TENM2: variants seen among roughly 807,000 people sequenced by gnomAD.
The protein encoded by TENM2 is teneurin-2.
In TENM2, 52 loss-of-function variants were observed where a neutral mutation model predicts 245.2. The observed-to-expected ratio is 0.21, with a 90% confidence interval of 0.17 to 0.27. The LOEUF (loss-of-function observed/expected upper bound fraction) is 0.27, where lower values mean the gene tolerates loss of function less well. Among genes scored for constraint, TENM2 ranks in the 10% least tolerant of loss-of-function variants. The probability of loss-of-function intolerance (pLI) is 1.00; values close to 1 mark genes in which losing one functional copy is unlikely to be tolerated. For missense variants in TENM2, 3,046 were observed against 3,666.8 expected (o/e 0.83, Z 4.37); for synonymous variants, 1,363 against 1,438.9 (o/e 0.95, Z 1.19).
rs375348833 is a variant in TENM2, at chr5:167,389,353, A to C, written c.502+13880A>C. ...AACTATGGTTAATATTTTGATGCAT[A>C]TATCCTTCAGTCTGTGTGTCTATCT... is the stretch of plus-strand genomic sequence containing the variant. On this transcript the variant is annotated intron_variant, in intron 2 of 28. Coordinates refer to ENST00000518659, the Ensembl canonical transcript of TENM2. Among the ~76,000 whole-genome samples the C allele has an allele frequency of 2.5e-4, 38 of 151,866 alleles. No homozygotes were observed. In the South Asian group the frequency reaches 7.7e-3, roughly 31 times the overall value.
chr5:167,901,861 T>C (rs1317213331), intron 3 of TENM2, among the ~76,000 whole-genome samples: 2 of 152,238 alleles, frequency 1.3e-5, no homozygotes, highest in East Asian at 1.9e-4. Flanking sequence ...TGCATATCTA[T>C]ACTTATTTCC....
At chr5:167,215,154 G>C in the TENM2 span, among the ~76,000 whole-genome samples, 1 of 152,126 alleles carries the variant, frequency 6.6e-6, no homozygotes, top group African/African-American at 2.4e-5. Flanking sequence ...CTTGCCCCCT[G>C]CTAAAGCTAG....
chr5:167,744,845 A>G (rs1393460683), intron 2 of TENM2, among the ~76,000 whole-genome samples: 1 of 152,156 alleles, frequency 6.6e-6, no homozygotes, highest in Non-Finnish European at 1.5e-5. Context: ...AAAACAAAAC[A>G]AAAAAACCGT....
the TENM2 span, among the ~76,000 whole-genome samples, chr5:167,163,286 C>T: frequency 2.0e-5 from 3 of 152,062 alleles, no homozygotes; most frequent in Admixed American, 1.3e-4. Context: ...GTGACAGGGT[C>T]TTGTGATGTT....
chr5:167,156,055 T>G, the TENM2 span, among the ~76,000 whole-genome samples: 1 of 152,228 alleles, frequency 6.6e-6, no homozygotes, highest in Non-Finnish European at 1.5e-5. Flanking sequence ...ACAAGTGGGT[T>G]TTGTCTAGTT....
the TENM2 span, among the ~76,000 whole-genome samples, chr5:167,196,344 C>T: frequency 6.6e-6 from 1 of 151,824 alleles, no homozygotes; most frequent in Non-Finnish European, 1.5e-5. Flanking sequence ...TTATAGGGCA[C>T]ATAATTGTAT....
intron 2 of TENM2, among the ~76,000 whole-genome samples, chr5:167,639,000 C>T (rs1407535915): frequency 6.6e-6 from 1 of 152,186 alleles, no homozygotes; most frequent in Non-Finnish European, 1.5e-5. Context: ...CTTAGAAAGT[C>T]CAACAGCTGT....
At chr5:167,893,650 A>G (rs1774944228) in intron 3 of TENM2, among the ~76,000 whole-genome samples, 3 of 149,810 alleles carry the variant, frequency 2.0e-5, no homozygotes, top group South Asian at 4.2e-4. Flanking sequence ...TTTTTTTAGT[A>G]AGAGGCATTT....
At chr5:167,060,437 G>C in the TENM2 span, among the ~76,000 whole-genome samples, 1 of 152,008 alleles carries the variant, frequency 6.6e-6, no homozygotes, top group Non-Finnish European at 1.5e-5. Flanking sequence ...CGGATCACGA[G>C]GTCAGGAGTT....
intron 1 of TENM2, among the ~76,000 whole-genome samples, chr5:167,292,153 C>T (rs1754679042): frequency 1.3e-5 from 2 of 152,188 alleles, no homozygotes; most frequent in South Asian, 2.1e-4. Context: ...TCCCTCCCAT[C>T]ACACATGGGG....
intron 5 of TENM2, among the ~76,000 whole-genome samples, chr5:168,014,604 T>G (rs1304970953): frequency 6.6e-6 from 1 of 152,236 alleles, no homozygotes; most frequent in Non-Finnish European, 1.5e-5. Context: ...AAACACTTCA[T>G]TCTGCACTAG....
intron 2 of TENM2, among the ~76,000 whole-genome samples, chr5:167,683,954 A>G (rs949969679): frequency 3.3e-5 from 5 of 152,162 alleles, no homozygotes; most frequent in African/African-American, 1.2e-4. Context: ...TTGCTTGCCT[A>G]TGGCTCCCCA....
intron 2 of TENM2, among the ~76,000 whole-genome samples, chr5:167,618,424 A>T (rs1165169335): frequency 6.6e-6 from 1 of 152,066 alleles, no homozygotes; most frequent in East Asian, 1.9e-4. Context: ...ATTAGAATCA[A>T]ATCCTCTGGG....
rs1415973077 is a variant in TENM2, at chr5:168,211,728, A to G, written c.3825-6A>G. On this transcript the variant is annotated splice_region_variant and splice_polypyrimidine_tract_variant and intron_variant, in intron 19 of 28. Transcript: ENST00000518659. ...CTTTTTTCCTTTCTGTTTTCTTTCT[A>G]TAAAGAAATAAAGAGTTTAAACATA... 1.5e-6 allele frequency: 2 copies of G among 1,303,192 alleles called. No homozygotes were observed. Among genetic ancestry groups the G allele is most frequent in the Non-Finnish European group, 2.1e-6 (2 of 939,848 alleles). The allele number at this position is 1,303,192 out of a possible 1,614,324, so 80.7% of individuals were successfully genotyped here.
intron 2 of TENM2, among the ~76,000 whole-genome samples, chr5:167,593,686 A>T (rs1197233359): frequency 6.6e-6 from 1 of 152,234 alleles, no homozygotes; most frequent in East Asian, 1.9e-4. Flanking sequence ...CCTTTCGATG[A>T]TAATGCAAAT....
intron 2 of TENM2, among the ~76,000 whole-genome samples, chr5:167,787,887 G>A (rs999226915): frequency 2.6e-5 from 4 of 152,300 alleles, no homozygotes; most frequent in South Asian, 2.1e-4. Flanking sequence ...CCACCGCTGT[G>A]GTAGAGCTGA....
rs145761180 is a variant in TENM2, at chr5:168,206,385, G to A, written c.3824+1764G>A. ...CATGGAGGCGAGCCAGGCATGTACTGGGCTCTGCGGTACAGAAGGGGATGA... is the reference window on the plus strand; with the variant it reads ...CATGGAGGCGAGCCAGGCATGTACTAGGCTCTGCGGTACAGAAGGGGATGA... On this transcript the variant is annotated intron_variant, in intron 19 of 28. Transcript: ENST00000518659. 5.0e-3 allele frequency among the ~76,000 whole-genome samples: 758 copies of A among 152,336 alleles called. 4 individuals are homozygous for A. The highest frequency in any genetic ancestry group is 7.9e-3 in the Non-Finnish European group (540 of 68,036).
intron 2 of TENM2, among the ~76,000 whole-genome samples, chr5:167,653,064 A>C (rs1445182550): frequency 6.6e-6 from 1 of 152,078 alleles, no homozygotes; most frequent in Non-Finnish European, 1.5e-5. Context: ...AAAATGATTG[A>C]GGACCAACAG....
intron 1 of TENM2, among the ~76,000 whole-genome samples, chr5:167,322,468 G>A (rs747858534): frequency 1.4e-4 from 21 of 152,126 alleles, no homozygotes; most frequent in Admixed American, 7.9e-4. Context: ...CTCCCTGACT[G>A]TGTGACCTCA....
Sources: gnomAD v4.1 joint callset for allele counts (sites outside exome capture counted in the v4.1 genomes callset) on GRCh38, gnomAD v4.1.1 for gene constraint, MANE v1.5 for transcripts, NCBI Gene and HGNC (gene_info 2026-07-23, HGNC 2026-07-21) for gene names.